CTNND2: variants seen among roughly 807,000 people sequenced by gnomAD.
The protein encoded by CTNND2 is catenin delta-2.
A neutral mutation model predicts 144.4 loss-of-function variants in CTNND2; 22 were observed. The ratio of observed to expected loss-of-function variants is 0.15; its 90% CI spans 0.11 to 0.22. The LOEUF (loss-of-function observed/expected upper bound fraction) is 0.22, where lower values mean the gene tolerates loss of function less well. Ranked by LOEUF, CTNND2 falls within the 10% of genes least tolerant of loss-of-function variation. The probability of loss-of-function intolerance (pLI) is 1.00; values close to 1 mark genes in which losing one functional copy is unlikely to be tolerated. For synonymous variants in CTNND2, 751 were observed against 695.6 expected (o/e 1.08, Z -1.25); for missense variants, 1,353 against 1,618.8 (o/e 0.84, Z 2.82).
intron 10 of CTNND2, among the ~76,000 whole-genome samples, chr5:11,209,778 C>T (rs923900824): frequency 7.2e-5 from 11 of 151,874 alleles, no homozygotes; most frequent in South Asian, 4.2e-4. Flanking sequence ...AAAAATTAGC[C>T]GGGCATGGTG....
chr5:11,865,908 A>AAAAAAAAAC (rs796967785), intron 1 of CTNND2, among the ~76,000 whole-genome samples: 4,239 of 149,180 alleles, frequency 0.028, 319 homozygotes, highest in African/African-American at 0.094. Flanking sequence ...GAGACAAAAA[A>AAAAAAAAAC]AAAAAAACGA....
intron 1 of CTNND2, among the ~76,000 whole-genome samples, chr5:11,802,500 G>A (rs890191845): frequency 6.6e-6 from 1 of 151,920 alleles, no homozygotes; most frequent in Non-Finnish European, 1.5e-5. Context: ...CTAGAAGGCA[G>A]AGGCTGCAGT....
At chr5:11,851,429 G>A (rs1460064455) in intron 1 of CTNND2, among the ~76,000 whole-genome samples, 1 of 152,148 alleles carries the variant, frequency 6.6e-6, no homozygotes, top group Non-Finnish European at 1.5e-5. Flanking sequence ...AAATGGTACA[G>A]AGCCTGTTTT....
intron 2 of CTNND2, among the ~76,000 whole-genome samples, chr5:11,638,626 T>C (rs1561645462): frequency 6.6e-6 from 1 of 152,210 alleles, no homozygotes; most frequent in African/African-American, 2.4e-5. Flanking sequence ...CAGGCTGAAG[T>C]GCAGTGGTGC....
intron 6 of CTNND2, among the ~76,000 whole-genome samples, chr5:11,395,077 TGAAAA>T (rs1465152120): frequency 2.0e-5 from 3 of 152,188 alleles, no homozygotes; most frequent in Non-Finnish European, 4.4e-5. Context: ...ATCAGAATTT[TGAAAA>T]GAAAAGTATC....
intron 12 of CTNND2, among the ~76,000 whole-genome samples, chr5:11,128,753 TATATAA>T (rs1208005392): frequency 2.5e-5 from 1 of 39,822 alleles, no homozygotes; most frequent in Non-Finnish European, 4.1e-5. Context: ...ATATATATTA[TATATAA>T]ATATATATAT....
At chr5:11,181,818 GGTGT>G (rs144690966) in intron 11 of CTNND2, among the ~76,000 whole-genome samples, 2 of 147,330 alleles carry the variant, frequency 1.4e-5, no homozygotes, top group Admixed American at 6.8e-5. Flanking sequence ...GAATGCGTGT[GGTGT>G]GTGTGTGTAT....
In CTNND2 at chr5:11,652,358, T is replaced by A. The variant is rs557837772; in HGVS notation, c.174+79778A>T. ...CCCCAGCCATACTTCTTGTACAGCC[T>A]GCAGAAGTGTGAATCAATTAAACCT... On this transcript the variant is annotated intron_variant, in intron 2 of 21. Coordinates refer to ENST00000304623, the MANE Select transcript of CTNND2 (RefSeq NM_001332.4). Among the ~76,000 whole-genome samples the A allele has an allele frequency of 2.0e-5, 3 of 151,406 alleles. No individual in the cohort carries two copies. In the South Asian group the frequency reaches 6.2e-4, roughly 32 times the overall value.
At chr5:11,117,133 T>C (rs201694305) in intron 13 of CTNND2, among the ~76,000 whole-genome samples, 1 of 143,222 alleles carries the variant, frequency 7.0e-6, no homozygotes, top group African/African-American at 2.8e-5. Context: ...GTGGATTACA[T>C]TAAAAAAAAA....
At chr5:11,774,143 A>C (rs1485878774) in intron 1 of CTNND2, among the ~76,000 whole-genome samples, 2 of 152,146 alleles carry the variant, frequency 1.3e-5, no homozygotes, top group African/African-American at 2.4e-5. Flanking sequence ...TATTATTAAA[A>C]ATACAAAGAA....
chr5:11,556,422 A>T (rs904978552), intron 3 of CTNND2, among the ~76,000 whole-genome samples: 3 of 152,174 alleles, frequency 2.0e-5, no homozygotes, highest in Non-Finnish European at 2.9e-5. Flanking sequence ...TTATATTCCT[A>T]TATTATTTAT....
intron 2 of CTNND2, among the ~76,000 whole-genome samples, chr5:11,573,106 C>T (rs1777700385): frequency 1.3e-5 from 2 of 152,178 alleles, no homozygotes; most frequent in African/African-American, 2.4e-5. Context: ...CTTAACATCT[C>T]TAAGTCTGAG....
intron 1 of CTNND2, among the ~76,000 whole-genome samples, chr5:11,883,008 T>C (rs1049935926): frequency 6.6e-6 from 1 of 152,188 alleles, no homozygotes; most frequent in Non-Finnish European, 1.5e-5. Context: ...ATAGTTTTAA[T>C]TGCTGAACTA....
chr5:11,128,728 ATAATATATATAT>A lies in CTNND2; in HGVS notation c.2160-11173_2160-11162del, dbSNP rs201512790. On this transcript the variant is annotated intron_variant, in intron 12 of 21. Coordinates refer to ENST00000304623, the MANE Select transcript of CTNND2 (RefSeq NM_001332.4). ...TGCTCAAGACCAAAATGCCATATATATAATATATATATTTATATATATTATATATAAATATAT... is the reference window on the plus strand; with the variant it reads ...TGCTCAAGACCAAAATGCCATATATATTATATATATTATATATAAATATAT... Among the ~76,000 whole-genome samples the A allele has an allele frequency of 4.8e-4, 28 of 58,038 alleles. 1 individual carries two copies. In the East Asian group the frequency reaches 7.9e-3, roughly 16 times the overall value. 38.1% of individuals were successfully genotyped at this position (58,038 alleles called of 152,430 possible). A position where few individuals can be genotyped will look rare whatever the true frequency, so the allele number is the denominator to read the frequency against.
At chr5:11,582,646 C>T (rs914616597) in intron 2 of CTNND2, among the ~76,000 whole-genome samples, 1 of 152,088 alleles carries the variant, frequency 6.6e-6, no homozygotes. Flanking sequence ...ACCAACACAT[C>T]ATCAAAAAAT....
At chr5:11,707,376 T>C (rs1189775669) in intron 2 of CTNND2, among the ~76,000 whole-genome samples, 3 of 152,208 alleles carry the variant, frequency 2.0e-5, no homozygotes, top group Non-Finnish European at 1.5e-5. Context: ...TTCTACAGAA[T>C]ATACCCGTTG....
chr5:11,798,850 A>T (rs554255637), intron 1 of CTNND2, among the ~76,000 whole-genome samples: 4 of 152,350 alleles, frequency 2.6e-5, no homozygotes, highest in African/African-American at 9.6e-5. Context: ...TTTTGTGTTA[A>T]AACGTACTGT....
chr5:11,258,818 G>A (rs532894390), intron 9 of CTNND2, among the ~76,000 whole-genome samples: 1 of 152,292 alleles, frequency 6.6e-6, no homozygotes, highest in South Asian at 2.1e-4. Flanking sequence ...CATTTCAACA[G>A]AAAAATTCTG....
intron 1 of CTNND2, among the ~76,000 whole-genome samples, chr5:11,874,198 G>GA (rs1735375774): frequency 1.3e-5 from 2 of 152,144 alleles, no homozygotes; most frequent in African/African-American, 2.4e-5. Context: ...CTCTTTGTGA[G>GA]AAAAAATTGT....
Sources: gnomAD v4.1 joint callset for allele counts (sites outside exome capture counted in the v4.1 genomes callset) on GRCh38, gnomAD v4.1.1 for gene constraint, MANE v1.5 for transcripts, NCBI Gene and HGNC (gene_info 2026-07-23, HGNC 2026-07-21) for gene names.